The following LRMDA variants were observed in gnomAD, a reference collection of about 807,000 sequenced individuals.
LRMDA encodes leucine-rich melanocyte differentiation-associated protein.
Under a neutral mutation model 29.8 loss-of-function variants are expected in LRMDA, and 18 were observed. The ratio of observed to expected loss-of-function variants is 0.60; its 90% CI spans 0.42 to 0.90. LRMDA has a LOEUF of 0.90. Among genes scored for constraint, LRMDA ranks in the 40% least tolerant of loss-of-function variants. The pLI, the probability that LRMDA is intolerant of heterozygous loss-of-function variation, is 0.00. For synonymous variants in LRMDA, 125 were observed against 109.4 expected (o/e 1.14, Z -0.89); for missense variants, 273 against 273.9 (o/e 1.00, Z 0.02).
At chr10:76,441,323 A>C (rs1160341749) in intron 6 of LRMDA, among the ~76,000 whole-genome samples, 3 of 152,196 alleles carry the variant, frequency 2.0e-5, no homozygotes, top group Non-Finnish European at 2.9e-5. Context: ...GGGTGACACT[A>C]ATAGTTGCAT....
chr10:75,836,075 G>A (rs1399429107), intron 2 of LRMDA, among the ~76,000 whole-genome samples: 2 of 152,116 alleles, frequency 1.3e-5, no homozygotes, highest in East Asian at 1.9e-4. Flanking sequence ...GGTTCAGGGC[G>A]ACTTAAATGG....
At chr10:76,211,976 A>G (rs1479539016) in intron 5 of LRMDA, among the ~76,000 whole-genome samples, 1 of 152,160 alleles carries the variant, frequency 6.6e-6, no homozygotes, top group Admixed American at 6.5e-5. Context: ...ATCACTCCTT[A>G]ACTCTACATC....
chr10:75,953,359 T>G (rs1554836311), intron 2 of LRMDA, among the ~76,000 whole-genome samples: 1 of 152,164 alleles, frequency 6.6e-6, no homozygotes. Context: ...AATTTACAGG[T>G]GTGAGCCACC....
chr10:76,518,430 C>G (rs939643541), intron 6 of LRMDA, among the ~76,000 whole-genome samples: 4 of 151,946 alleles, frequency 2.6e-5, no homozygotes, highest in African/African-American at 9.7e-5. Context: ...AATGATAGAC[C>G]TTTCGATTCA....
At chr10:76,075,595 C>G (rs1387860641) in intron 5 of LRMDA, among the ~76,000 whole-genome samples, 3 of 152,244 alleles carry the variant, frequency 2.0e-5, no homozygotes, top group East Asian at 3.8e-4. Flanking sequence ...ATTGAGCCAG[C>G]ATCTACCATA....
chr10:76,092,842 T>A (rs11001612), intron 5 of LRMDA, among the ~76,000 whole-genome samples: 1 of 152,010 alleles, frequency 6.6e-6, no homozygotes, highest in African/African-American at 2.4e-5. Flanking sequence ...CAAGTGTGAA[T>A]CTTGAAGAAT....
chr10:76,143,712 C>T (rs1850253343), intron 5 of LRMDA, among the ~76,000 whole-genome samples: 1 of 152,184 alleles, frequency 6.6e-6, no homozygotes, highest in South Asian at 2.1e-4. Context: ...TCCCATTTGT[C>T]AATTTTGGCT....
chr10:76,092,190 C>G (rs1849242349), intron 5 of LRMDA, among the ~76,000 whole-genome samples: 1 of 152,188 alleles, frequency 6.6e-6, no homozygotes, highest in African/African-American at 2.4e-5. Context: ...ATGATTTCCC[C>G]TAGTTAATGA....
intron 5 of LRMDA, among the ~76,000 whole-genome samples, chr10:76,139,281 G>A (rs1850154261): frequency 6.6e-6 from 1 of 152,070 alleles, no homozygotes; most frequent in Admixed American, 6.5e-5. Flanking sequence ...GATAAATTAA[G>A]TGATCTTGCA....
chr10:75,957,407 TC>T (rs1846681929), intron 2 of LRMDA, among the ~76,000 whole-genome samples: 1 of 152,170 alleles, frequency 6.6e-6, no homozygotes, highest in South Asian at 2.1e-4. Context: ...CTTTAAGAAA[TC>T]TCCAGTGAGT....
At chr10:76,485,122 A>G (rs774557163) in intron 6 of LRMDA, among the ~76,000 whole-genome samples, 1 of 151,670 alleles carries the variant, frequency 6.6e-6, no homozygotes, top group Non-Finnish European at 1.5e-5. Flanking sequence ...TATTTAGACT[A>G]TTTTCATTTA....
chr10:75,574,372 G>A (rs192139602), intron 2 of LRMDA, among the ~76,000 whole-genome samples: 12 of 152,280 alleles, frequency 7.9e-5, no homozygotes, highest in Admixed American at 7.8e-4. Flanking sequence ...GTTATACAGT[G>A]TAATCTGCTG....
chr10:76,387,603 A>C (rs983899965), intron 6 of LRMDA, among the ~76,000 whole-genome samples: 6 of 138,748 alleles, frequency 4.3e-5, no homozygotes, highest in East Asian at 2.0e-4. Flanking sequence ...ACACTGTTTC[A>C]AAAAAAAAAA....
chr10:75,821,771 A>AAAACAAAC lies in LRMDA; in HGVS notation c.132-214217_132-214210dup, dbSNP rs71024572. Among the ~76,000 whole-genome samples, 1,290 of 149,342 alleles carry AAAACAAAC rather than the reference A, an allele frequency of 8.6e-3. 16 individuals are homozygous for AAAACAAAC. Among genetic ancestry groups the AAAACAAAC allele is most frequent in the African/African-American group, 0.029 (1,191 of 40,818 alleles). On this transcript the variant is annotated intron_variant, in intron 2 of 6. Coordinates refer to ENST00000611255, the MANE Select transcript of LRMDA (RefSeq NM_001305581.2). ...GCGACAGAGAGAGACTCCATCTCAA[A>AAAACAAAC]AAACAAACAAACAAACAAACAAACA...
intron 5 of LRMDA, among the ~76,000 whole-genome samples, chr10:76,122,590 A>G (rs937667337): frequency 1.3e-5 from 2 of 152,200 alleles, no homozygotes; most frequent in East Asian, 3.9e-4. Flanking sequence ...AAACCTGCAT[A>G]TAATAAATGC....
chr10:75,926,884 C>T (rs898869757), intron 2 of LRMDA, among the ~76,000 whole-genome samples: 1 of 152,130 alleles, frequency 6.6e-6, no homozygotes, highest in Non-Finnish European at 1.5e-5. Flanking sequence ...TAGAAGGAAC[C>T]CTTGCAGACT....
At chr10:76,008,493 G>A (rs1847714332) in intron 2 of LRMDA, among the ~76,000 whole-genome samples, 1 of 152,136 alleles carries the variant, frequency 6.6e-6, no homozygotes, top group Admixed American at 6.5e-5. Flanking sequence ...AACAAACACT[G>A]TTTGCCTTCA....
intron 2 of LRMDA, among the ~76,000 whole-genome samples, chr10:75,720,525 C>T (rs893255554): frequency 9.9e-4 from 151 of 152,274 alleles, no homozygotes; most frequent in Non-Finnish European, 2.6e-4. Context: ...GAAATGCCTT[C>T]GAAGTTTACT....
At chr10:76,402,046 T>G (rs957465968) in intron 6 of LRMDA, among the ~76,000 whole-genome samples, 1 of 152,100 alleles carries the variant, frequency 6.6e-6, no homozygotes, top group Non-Finnish European at 1.5e-5. Flanking sequence ...TGAGGTGATA[T>G]GCTGGTGAGT....
Sources: gnomAD v4.1 joint callset for allele counts (sites outside exome capture counted in the v4.1 genomes callset) on GRCh38, gnomAD v4.1.1 for gene constraint, MANE v1.5 for transcripts, NCBI Gene and HGNC (gene_info 2026-07-23, HGNC 2026-07-21) for gene names.